The following NDUFA10 variants were observed in gnomAD, a reference collection of about 807,000 sequenced individuals.
NDUFA10 encodes the protein NADH:ubiquinone oxidoreductase subunit A10.
Under a neutral mutation model 47.8 loss-of-function variants are expected in NDUFA10, and 40 were observed. The observed-to-expected ratio is 0.84, with a 90% CI of 0.65 to 1.09. The LOEUF (loss-of-function observed/expected upper bound fraction) is 1.09, where lower values mean the gene tolerates loss of function less well. Among genes scored for constraint, NDUFA10 ranks in the 50% least tolerant of loss-of-function variants. The probability of loss-of-function intolerance (pLI) is 0.00; values close to 1 mark genes in which losing one functional copy is unlikely to be tolerated. For missense variants in NDUFA10, 413 were observed against 451.1 expected (o/e 0.92, Z 0.76); for synonymous variants, 183 against 172.2 (o/e 1.06, Z -0.49).
chr2:239,988,420 T>A (rs769436359), intron 9 of NDUFA10, among the ~76,000 whole-genome samples: 1 of 151,946 alleles, frequency 6.6e-6, no homozygotes, highest in Non-Finnish European at 1.5e-5. Flanking sequence ...GGGGCACAAA[T>A]CCACAAAGAG....
chr2:240,023,505 G>A (rs573047450), intron 1 of NDUFA10, among the ~76,000 whole-genome samples: 1 of 152,260 alleles, frequency 6.6e-6, no homozygotes, highest in East Asian at 1.9e-4. Flanking sequence ...TACAGCATTA[G>A]GAATCCATTC....
rs2106380718 is a variant in NDUFA10 at position 239,945,059 on chromosome 2, T to G, written c.294+45015A>C. Reference sequence around the variant, plus strand: ...CCTCCCCGAGACAGAATTCCATGGTTTTGGTAGCAGACTCCCAGGCAAGCC... The same window carrying G: ...CCTCCCCGAGACAGAATTCCATGGTGTTGGTAGCAGACTCCCAGGCAAGCC... On this transcript the variant is annotated intron_variant, in intron 4 of 5. Transcript: ENST00000419408. The surrounding 1 kb of genome is among the most constrained non-coding windows in gnomAD (Gnocchi z 4.6). 6.6e-6 allele frequency among the ~76,000 whole-genome samples: 1 copy of G among 151,852 alleles called. No individual in the cohort carries two copies. Among genetic ancestry groups the G allele is most frequent in the African/African-American group, 2.4e-5 (1 of 41,406 alleles).
chr2:239,912,994 T>G (rs1042224366), intron 4 of NDUFA10, among the ~76,000 whole-genome samples: 13 of 152,190 alleles, frequency 8.5e-5, no homozygotes, highest in African/African-American at 3.1e-4. Context: ...TTTCCTTCTG[T>G]GGAAAGCAAG....
At chr2:240,001,499 CA>C (rs1448962522) in intron 8 of NDUFA10, among the ~76,000 whole-genome samples, 1 of 152,172 alleles carries the variant, frequency 6.6e-6, no homozygotes, top group African/African-American at 2.4e-5. Context: ...TGCTTTACAA[CA>C]AGGAGACAGA....
rs1694430159 is a variant in NDUFA10, at chr2:239,945,288, T to C, written c.294+44786A>G. Among the ~76,000 whole-genome samples, 1 of 152,190 alleles carries C rather than the reference T, an allele frequency of 6.6e-6. No homozygotes were observed. Among genetic ancestry groups the C allele is most frequent in the Non-Finnish European group, 1.5e-5 (1 of 68,024 alleles). On this transcript the variant is annotated intron_variant, in intron 4 of 5. Coordinates refer to the NDUFA10 transcript ENST00000419408. This position sits in a 1 kb window ranked among gnomAD's most constrained non-coding sequence, Gnocchi z 4.6. ...ACCGCAGCGGCAGCGCCATCATTCC[T>C]CCTGCTTTGCAGCCAGGAAGACACG... is the stretch of plus-strand genomic sequence containing the variant.
intron 8 of NDUFA10, among the ~76,000 whole-genome samples, chr2:240,000,135 T>C (rs753669880): frequency 2.0e-5 from 3 of 152,252 alleles, no homozygotes; most frequent in Non-Finnish European, 4.4e-5. Flanking sequence ...CTTTAGGTTA[T>C]TTACTATACT....
intron 5 of NDUFA10, among the ~76,000 whole-genome samples, chr2:239,893,588 G>A (rs1255046477): frequency 2.0e-5 from 3 of 152,164 alleles, no homozygotes; most frequent in Non-Finnish European, 4.4e-5. Flanking sequence ...GAACTGCTGT[G>A]TCTCCACGTG....
At chr2:239,956,608 G>C (rs1284502266), downstream of NDUFA10, among the ~76,000 whole-genome samples, 1 of 152,190 alleles carries the variant, frequency 6.6e-6, no homozygotes, top group African/African-American at 2.4e-5. Flanking sequence ...AGCTCACCTT[G>C]TCCCAGGAGA....
At chr2:239,916,427 GAC>G (rs951578193) in intron 4 of NDUFA10, among the ~76,000 whole-genome samples, 9 of 151,294 alleles carry the variant, frequency 5.9e-5, no homozygotes, top group Admixed American at 1.3e-4. Context: ...CACACACACA[GAC>G]ACAGACACAG....
In NDUFA10 at chr2:240,011,688, T is replaced by G. The variant is rs144158317; in HGVS notation, c.678A>C (p.Glu226Asp). ...GTAGATAGGCAGAGGTGATCTTCAT[T>G]TCATGTGGCTAAACAGAAGCAGAAA... is the stretch of plus-strand genomic sequence containing the variant. The part of the protein sequence containing the change: ...RRIQKKGDPH[E>D]MKITSAYLQD... The change falls in exon 6 of 10, where the codon GAA (glutamate) becomes GAC (aspartate). Residue 226 changes from glutamate to aspartate, a missense_variant. Transcript: ENST00000252711. 1.6e-5 allele frequency: 26 copies of G among 1,612,428 alleles called. No homozygotes were observed. The African/African-American group carries it at 3.5e-4, about 21-fold the overall frequency.
At chr2:239,922,018 C>T (rs1436119708) in intron 4 of NDUFA10, among the ~76,000 whole-genome samples, 7 of 129,896 alleles carry the variant, frequency 5.4e-5, no homozygotes, top group Non-Finnish European at 9.9e-5. Context: ...CCTTCCTTCC[C>T]TTCTTCCTTC....
intron 4 of NDUFA10, among the ~76,000 whole-genome samples, chr2:239,920,933 C>T (rs1377534268): frequency 1.3e-5 from 2 of 152,166 alleles, no homozygotes; most frequent in Non-Finnish European, 2.9e-5. Context: ...GGGCAGGTTT[C>T]TCCTGTCTCT....
chr2:239,972,419 G>A (rs1695340860), intron 9 of NDUFA10, among the ~76,000 whole-genome samples: 1 of 151,918 alleles, frequency 6.6e-6, no homozygotes. Context: ...CAAAGTTCTG[G>A]GGTGATTTGG....
At chr2:239,932,049 T>C (rs1694183838) in intron 4 of NDUFA10, among the ~76,000 whole-genome samples, 1 of 152,000 alleles carries the variant, frequency 6.6e-6, no homozygotes, top group Non-Finnish European at 1.5e-5. Flanking sequence ...TTAGCCAGGA[T>C]GGTCTCAATC....
intron 5 of NDUFA10, chr2:240,012,274 A>T: frequency 6.2e-6 from 1 of 160,922 alleles, no homozygotes; most frequent in Admixed American, 5.9e-5. Context: ...AAAATTTAAA[A>T]CTCCTTACAG....
intron 4 of NDUFA10, among the ~76,000 whole-genome samples, chr2:239,917,432 C>G (rs1693897023): frequency 6.6e-6 from 1 of 152,182 alleles, no homozygotes; most frequent in African/African-American, 2.4e-5. Context: ...TTCTCTGTAA[C>G]TAGTAACTTC....
At chr2:239,955,568 G>A (rs1167717241), downstream of NDUFA10, among the ~76,000 whole-genome samples, 1 of 152,188 alleles carries the variant, frequency 6.6e-6, no homozygotes. Flanking sequence ...CACGGGGGTT[G>A]GCACGCGAGG....
At chr2:239,916,794 G>T (rs1361432995) in intron 4 of NDUFA10, among the ~76,000 whole-genome samples, 1 of 152,208 alleles carries the variant, frequency 6.6e-6, no homozygotes, top group Non-Finnish European at 1.5e-5. Context: ...CGAGAGCCTT[G>T]ATTCCCTCAG....
chr2:240,000,406 A>G (rs1056772910), intron 8 of NDUFA10, among the ~76,000 whole-genome samples: 1 of 152,216 alleles, frequency 6.6e-6, no homozygotes, highest in Non-Finnish European at 1.5e-5. Context: ...AACAACAACA[A>G]AAGTTTAAAA....
Sources: allele counts gnomAD v4.1 joint callset (sites outside exome capture counted in the v4.1 genomes callset), GRCh38; gene constraint gnomAD v4.1.1; non-coding constraint Gnocchi (gnomAD v3.1); transcripts MANE v1.5; gene names NCBI Gene and HGNC (gene_info 2026-07-23, HGNC 2026-07-21).